The following HDAC9 variants were observed in gnomAD, a reference collection of about 807,000 sequenced individuals.
The protein encoded by HDAC9 is MEF-2 interacting transcription repressor (MITR) protein.
Under a neutral mutation model 139.4 loss-of-function variants are expected in HDAC9, and 41 were observed. The ratio of observed to expected loss-of-function variants is 0.29; its 90% confidence interval spans 0.23 to 0.38. HDAC9 has a LOEUF of 0.38. Ranked by LOEUF, HDAC9 falls within the 10% of genes least tolerant of loss-of-function variation. The pLI, the probability that HDAC9 is intolerant of heterozygous loss-of-function variation, is 1.00. For missense variants in HDAC9, 1,147 were observed against 1,297.0 expected (o/e 0.88, Z 1.78); for synonymous variants, 517 against 476.2 (o/e 1.09, Z -1.12).
intron 2 of HDAC9, among the ~76,000 whole-genome samples, chr7:18,214,446 T>C (rs1792155494): frequency 6.6e-6 from 1 of 152,122 alleles, no homozygotes; most frequent in Non-Finnish European, 1.5e-5. Flanking sequence ...TAAGCTCAGA[T>C]TGTATGTGAA....
chr7:18,729,959 G>A (rs1785898975), intron 13 of HDAC9, among the ~76,000 whole-genome samples: 1 of 152,090 alleles, frequency 6.6e-6, no homozygotes, highest in Non-Finnish European at 1.5e-5. Context: ...AAATTACATT[G>A]TAACTATTGT....
At chr7:18,872,861 T>C (rs1159364679) in intron 21 of HDAC9, among the ~76,000 whole-genome samples, 1 of 152,114 alleles carries the variant, frequency 6.6e-6, no homozygotes, top group Non-Finnish European at 1.5e-5. Flanking sequence ...GGAAAAGAGA[T>C]GGAAAATTGA....
At chr7:18,407,738 T>C (rs1181299931) in intron 1 of HDAC9, among the ~76,000 whole-genome samples, 1 of 152,182 alleles carries the variant, frequency 6.6e-6, no homozygotes, top group Non-Finnish European at 1.5e-5. Context: ...CTGTTTTTCA[T>C]ATGTCAATTA....
chr7:18,371,199 G>A (rs933073926), intron 1 of HDAC9, among the ~76,000 whole-genome samples: 4 of 152,252 alleles, frequency 2.6e-5, no homozygotes, highest in Non-Finnish European at 5.9e-5. Context: ...TCGAAGTATG[G>A]ATTTCAATTT....
intron 1 of HDAC9, among the ~76,000 whole-genome samples, chr7:18,415,832 T>C (rs1158179869): frequency 6.6e-6 from 1 of 152,238 alleles, no homozygotes; most frequent in Non-Finnish European, 1.5e-5. Flanking sequence ...GGGATTACTA[T>C]TGTTATATCT....
chr7:18,425,602 A>C (rs1790045072), intron 1 of HDAC9, among the ~76,000 whole-genome samples: 1 of 152,304 alleles, frequency 6.6e-6, no homozygotes, highest in South Asian at 2.1e-4. Context: ...CCAGAGGAGG[A>C]TCTTCCTTCG....
At chr7:18,898,693 T>A (rs1395986371) in intron 22 of HDAC9, among the ~76,000 whole-genome samples, 2 of 151,960 alleles carry the variant, frequency 1.3e-5, no homozygotes, top group African/African-American at 2.4e-5. Context: ...TATGTTGGAA[T>A]TCACATTTAC....
intron 1 of HDAC9, among the ~76,000 whole-genome samples, chr7:18,160,334 A>G (rs999726730): frequency 2.0e-5 from 3 of 152,224 alleles, no homozygotes; most frequent in African/African-American, 7.2e-5. Flanking sequence ...AATGTTTCAG[A>G]CTACAATGTA....
intron 1 of HDAC9, among the ~76,000 whole-genome samples, chr7:18,094,663 C>G (rs191631136): frequency 1.3e-5 from 2 of 151,808 alleles, no homozygotes; most frequent in African/African-American, 4.8e-5. Flanking sequence ...GCTGTATTGC[C>G]CAGAGTGGTC....
At chr7:18,887,640 T>A (rs1024435149) in intron 22 of HDAC9, among the ~76,000 whole-genome samples, 2 of 152,202 alleles carry the variant, frequency 1.3e-5, no homozygotes, top group Non-Finnish European at 2.9e-5. Context: ...TTTTCACACA[T>A]ATAAGCTGGG....
intron 12 of HDAC9, among the ~76,000 whole-genome samples, chr7:18,723,929 A>G (rs1207161201): frequency 6.6e-6 from 1 of 152,212 alleles, no homozygotes; most frequent in East Asian, 1.9e-4. Flanking sequence ...GAGAAAATAT[A>G]TAAAATGCAG....
chr7:18,943,092 A>T (rs924887219), intron 23 of HDAC9, among the ~76,000 whole-genome samples: 6 of 152,128 alleles, frequency 3.9e-5, no homozygotes, highest in Admixed American at 2.6e-4. Context: ...TACTTGCAGA[A>T]ACAGGGGCAA....
chr7:18,897,298 T>C (rs1410243169), intron 22 of HDAC9, among the ~76,000 whole-genome samples: 1 of 151,970 alleles, frequency 6.6e-6, no homozygotes, highest in African/African-American at 2.4e-5. Context: ...GAAAAGGTAA[T>C]AAAGCCTTTC....
chr7:18,920,448 A>G (rs1461776671), intron 22 of HDAC9, among the ~76,000 whole-genome samples: 1 of 152,204 alleles, frequency 6.6e-6, no homozygotes, highest in African/African-American at 2.4e-5. Flanking sequence ...AACAGGGACA[A>G]TTTGACTTCC....
intron 2 of HDAC9, among the ~76,000 whole-genome samples, chr7:18,505,097 C>A (rs1799396146): frequency 6.6e-6 from 1 of 152,140 alleles, no homozygotes; most frequent in Admixed American, 6.5e-5. Flanking sequence ...CTATCCAGGG[C>A]TGAGAGGAGC....
At chr7:18,468,939 T>G (rs540574168) in intron 1 of HDAC9, among the ~76,000 whole-genome samples, 2 of 152,352 alleles carry the variant, frequency 1.3e-5, no homozygotes, top group South Asian at 4.1e-4. Flanking sequence ...GCCTTGAGTT[T>G]AGATGGATGA....
intron 1 of HDAC9, among the ~76,000 whole-genome samples, chr7:18,348,927 A>G (rs959197062): frequency 6.6e-6 from 1 of 152,142 alleles, no homozygotes; most frequent in Non-Finnish European, 1.5e-5. Flanking sequence ...GAGAACACAG[A>G]ACTCAGTAAT....
In HDAC9 at chr7:18,340,162, A is replaced by T. The variant is rs149673051; in HGVS notation, c.-42+49647A>T. Reference sequence around the variant, plus strand: ...TGAAATGATATTTATCTCCAATAATATTCTTTGCTTTGCAAACTATATGTC... The same window carrying T: ...TGAAATGATATTTATCTCCAATAATTTTCTTTGCTTTGCAAACTATATGTC... On this transcript the variant is annotated intron_variant, in intron 1 of 3. Transcript: ENST00000413509. Among the ~76,000 whole-genome samples, 1,467 of 151,672 alleles carry T rather than the reference A, an allele frequency of 9.7e-3. 11 individuals are homozygous for T. The highest frequency in any genetic ancestry group is 0.027 in the Middle Eastern group (8 of 294).
rs188144141 is a variant in HDAC9 at position 18,187,978 on chromosome 7, C to T, written c.25+25629C>T. The stretch of plus-strand genomic sequence containing the variant: ...CCATCAAAATACCATTGACATTCTT[C>T]ACAGAATTAGAAAAAACTATTTTAA... On this transcript the variant is annotated intron_variant, in intron 2 of 12. Coordinates refer to the HDAC9 transcript ENST00000417496. Among the ~76,000 whole-genome samples, 9 of 152,250 alleles carry T rather than the reference C, an allele frequency of 5.9e-5. No homozygotes were observed. The East Asian group carries it at 1.5e-3, about 26-fold the overall frequency.
Sources: allele counts gnomAD v4.1 joint callset (sites outside exome capture counted in the v4.1 genomes callset), GRCh38; gene constraint gnomAD v4.1.1; transcripts MANE v1.5; gene names NCBI Gene and HGNC (gene_info 2026-07-23, HGNC 2026-07-21).